The following PHF20 variants were observed in gnomAD, a reference collection of about 807,000 sequenced individuals.
PHF20 encodes PHD finger protein 20.
Under a neutral mutation model 113.5 loss-of-function variants are expected in PHF20, and 23 were observed. The ratio of observed to expected loss-of-function variants is 0.20; its 90% CI spans 0.15 to 0.29. The LOEUF is 0.29. PHF20 is among the 10% of genes least tolerant of loss of function. PHF20 has a pLI of 1.00. For missense variants in PHF20, 943 were observed against 1,219.6 expected (o/e 0.77, Z 3.38); for synonymous variants, 434 against 457.3 (o/e 0.95, Z 0.65).
At chr20:35,940,754 G>T (rs1023112179) in intron 16 of PHF20, 110 bp from the exon 17 acceptor site, 2 of 889,330 alleles carry the variant, frequency 2.2e-6, no homozygotes, top group Admixed American at 4.4e-5. Context: ...GTAGGGATTT[G>T]GAGTATTGAA....
intron 4 of PHF20, among the ~76,000 whole-genome samples, chr20:35,849,872 ATT>A (rs1568649771): frequency 6.6e-6 from 1 of 151,938 alleles, no homozygotes; most frequent in Non-Finnish European, 1.5e-5. Context: ...GCTTGGTCTG[ATT>A]TTCTTGCCAC....
chr20:35,915,024 A>G (rs2055376671), intron 12 of PHF20, among the ~76,000 whole-genome samples: 1 of 147,198 alleles, frequency 6.8e-6, no homozygotes, highest in South Asian at 2.1e-4. Flanking sequence ...ATATATGTAT[A>G]TATGTAAAAA....
intron 13 of PHF20, among the ~76,000 whole-genome samples, chr20:35,921,231 A>G (rs1277997974): frequency 6.6e-6 from 1 of 152,198 alleles, no homozygotes; most frequent in Non-Finnish European, 1.5e-5. Flanking sequence ...TTTTGAGGTC[A>G]ACATAATACT....
chr20:35,816,528 C>T (rs1487752941), intron 2 of PHF20, among the ~76,000 whole-genome samples: 1 of 151,160 alleles, frequency 6.6e-6, no homozygotes, highest in African/African-American at 2.4e-5. Context: ...CCGGTCACTG[C>T]AACCTCTGCC....
At chr20:35,783,901 C>T (rs1282684193) in intron 1 of PHF20, among the ~76,000 whole-genome samples, 2 of 148,394 alleles carry the variant, frequency 1.3e-5, no homozygotes, top group East Asian at 2.2e-4. Context: ...AGGAGAATCG[C>T]TTGAACCCAG....
chr20:35,933,489 T>C (rs1167644959), intron 15 of PHF20, among the ~76,000 whole-genome samples: 1 of 151,938 alleles, frequency 6.6e-6, no homozygotes, highest in African/African-American at 2.4e-5. Flanking sequence ...CTCTGCCTCC[T>C]GGGTTCACGC....
chr20:35,848,623 C>T (rs1221268871), intron 4 of PHF20, among the ~76,000 whole-genome samples: 1 of 151,898 alleles, frequency 6.6e-6, no homozygotes, highest in African/African-American at 2.4e-5. Context: ...GTTTGGGAGG[C>T]TCTCGTGGGA....
intron 2 of PHF20, among the ~76,000 whole-genome samples, chr20:35,817,272 C>T (rs1039054951): frequency 3.3e-5 from 5 of 151,092 alleles, no homozygotes; most frequent in Non-Finnish European, 4.4e-5. Flanking sequence ...CTGCAATCTC[C>T]GCCTCCTGGG....
chr20:35,799,291 CAAAAAAAAAAA>C (rs35210007), intron 1 of PHF20, among the ~76,000 whole-genome samples: 10 of 21,002 alleles, frequency 4.8e-4, no homozygotes, highest in Non-Finnish European at 5.1e-4. Flanking sequence ...ACTCTCTCTG[CAAAAAAAAAAA>C]AAAAAAAAAA....
chr20:35,774,087 C>CTT (rs113868177), intron 1 of PHF20, among the ~76,000 whole-genome samples: 16 of 143,120 alleles, frequency 1.1e-4, no homozygotes, highest in African/African-American at 3.6e-4. Context: ...TGTCAATCTT[C>CTT]TTTTTTTTTT....
chr20:35,828,315 C>T (rs560103757), intron 2 of PHF20, among the ~76,000 whole-genome samples: 8 of 152,250 alleles, frequency 5.3e-5, no homozygotes, highest in Non-Finnish European at 8.8e-5. Context: ...TGAGCCACCG[C>T]GCCCAGCCTC....
intron 4 of PHF20, among the ~76,000 whole-genome samples, chr20:35,855,729 A>G (rs1012520562): frequency 3.9e-5 from 6 of 151,942 alleles, no homozygotes; most frequent in Non-Finnish European, 5.9e-5. Flanking sequence ...TCTGGAGTGC[A>G]GTGGTGTGAT....
At chr20:35,813,478 A>G (rs2042012799) in intron 2 of PHF20, among the ~76,000 whole-genome samples, 1 of 152,138 alleles carries the variant, frequency 6.6e-6, no homozygotes, top group East Asian at 1.9e-4. Flanking sequence ...AGAAACCCCA[A>G]ACTTACTTTC....
intron 13 of PHF20, among the ~76,000 whole-genome samples, chr20:35,926,060 T>C (rs2055623502): frequency 7.0e-6 from 1 of 142,538 alleles, no homozygotes; most frequent in Non-Finnish European, 1.5e-5. Context: ...AGGCAGAGGT[T>C]GCAGTGAGCC....
At chr20:35,885,141 A>G (rs1431378606) in intron 9 of PHF20, among the ~76,000 whole-genome samples, 3 of 152,122 alleles carry the variant, frequency 2.0e-5, no homozygotes, top group African/African-American at 7.2e-5. Context: ...GCCCTCTCCC[A>G]GATTTTTTAA....
chr20:35,890,944 C>G (rs369466072), intron 9 of PHF20, among the ~76,000 whole-genome samples: 1 of 152,170 alleles, frequency 6.6e-6, no homozygotes, highest in Non-Finnish European at 1.5e-5. Context: ...TTGTCTTTAA[C>G]TGCCTCATGG....
chr20:35,914,642 A>AAAGG (rs1276769414), intron 12 of PHF20, among the ~76,000 whole-genome samples: 1 of 152,160 alleles, frequency 6.6e-6, no homozygotes, highest in Non-Finnish European at 1.5e-5. Context: ...AATATATAAG[A>AAAGG]ACTCAACTCA....
At chr20:35,807,703 A>C (rs2041909890) in intron 2 of PHF20, among the ~76,000 whole-genome samples, 1 of 152,198 alleles carries the variant, frequency 6.6e-6, no homozygotes, top group Admixed American at 6.6e-5. Flanking sequence ...GCATGAAGGA[A>C]TATTGTTAAC....
intron 13 of PHF20, among the ~76,000 whole-genome samples, chr20:35,925,697 ATTT>A (rs373749838): frequency 7.1e-6 from 1 of 140,586 alleles, no homozygotes; most frequent in African/African-American, 2.6e-5. Flanking sequence ...TAGTATTTAC[ATTT>A]TTTTTTTTTT....
Sources: gnomAD v4.1 joint callset for allele counts (sites outside exome capture counted in the v4.1 genomes callset) on GRCh38, gnomAD v4.1.1 for gene constraint, MANE v1.5 for transcripts, NCBI Gene and HGNC (gene_info 2026-07-23, HGNC 2026-07-21) for gene names.